Variants in PAX5 observed in about 807,000 individuals in gnomAD.
PAX5 encodes paired box 5.
In PAX5, 9 loss-of-function variants were observed where a neutral mutation model predicts 43.7. The ratio of observed to expected loss-of-function variants is 0.21; its 90% confidence interval spans 0.12 to 0.36. The LOEUF is 0.36. Among genes scored for constraint, PAX5 ranks in the 10% least tolerant of loss-of-function variants. The pLI is 1.00. For missense variants in PAX5, 383 were observed against 532.7 expected (o/e 0.72, Z 2.77); for synonymous variants, 228 against 214.3 (o/e 1.06, Z -0.56).
In PAX5 at chr9:36,939,424, T is replaced by C. The variant is rs934343302; in HGVS notation, c.781-15940A>G. 2.6e-5 allele frequency among the ~76,000 whole-genome samples: 4 copies of C among 152,256 alleles called. No homozygotes were observed. The South Asian group carries it at 8.3e-4, about 32-fold the overall frequency. On this transcript the variant is annotated intron_variant, in intron 6 of 9. Transcript: ENST00000358127. ...GGGTAGGCCCTGCTGAGACCACGTGTCTTGCCATTTTGTTCTGAAACCCCA... is the reference window on the plus strand; with the variant it reads ...GGGTAGGCCCTGCTGAGACCACGTGCCTTGCCATTTTGTTCTGAAACCCCA...
chr9:36,981,406 C>T (rs1327215294), intron 5 of PAX5, among the ~76,000 whole-genome samples: 2 of 125,336 alleles, frequency 1.6e-5, no homozygotes, highest in Admixed American at 1.0e-4. Context: ...ACAATAAATA[C>T]TTGTAGAGTG....
chr9:36,873,507 A>G (rs907880785), intron 8 of PAX5, among the ~76,000 whole-genome samples: 1 of 152,214 alleles, frequency 6.6e-6, no homozygotes, highest in Non-Finnish European at 1.5e-5. Context: ...ACAGGTGTGC[A>G]CCCCAGAGGC....
chr9:36,980,339 G>A (rs1835805589), intron 5 of PAX5, among the ~76,000 whole-genome samples: 1 of 152,242 alleles, frequency 6.6e-6, no homozygotes, highest in Non-Finnish European at 1.5e-5. Context: ...CCCTCTGCCT[G>A]TGGGGAGTTG....
intron 8 of PAX5, chr9:36,861,220 A>C (rs1042148531): frequency 6.6e-6 from 1 of 151,676 alleles, no homozygotes; most frequent in South Asian, 2.1e-4. Context: ...CCATCCATTC[A>C]TCTATCAGAT....
chr9:36,963,155 G>C (rs1834113945), intron 6 of PAX5, among the ~76,000 whole-genome samples: 1 of 152,232 alleles, frequency 6.6e-6, no homozygotes, highest in Non-Finnish European at 1.5e-5. Flanking sequence ...ACATTACAGG[G>C]AGGTGAAGCA....
At chr9:36,878,745 T>C (rs1826140475) in intron 8 of PAX5, among the ~76,000 whole-genome samples, 1 of 152,064 alleles carries the variant, frequency 6.6e-6, no homozygotes, top group Admixed American at 6.6e-5. Flanking sequence ...AAAAACAATG[T>C]CCACAGGCCA....
At chr9:37,033,599 TACACAC>T (rs56039556) in intron 1 of PAX5, among the ~76,000 whole-genome samples, 44 of 149,272 alleles carry the variant, frequency 2.9e-4, no homozygotes, top group African/African-American at 4.4e-4. Flanking sequence ...AGTATAAAGA[TACACAC>T]ACACACACAC....
At position 36,838,399 on chromosome 9, in the gene PAX5, C is replaced by G. The variant is rs1468819989; in HGVS notation, c.*2161G>C. On this transcript the variant is annotated 3_prime_UTR_variant, in exon 10 of 10. Coordinates refer to ENST00000358127, the MANE Select transcript of PAX5 (RefSeq NM_016734.3). ...AACACCATGGGTTGGGGGTCAGGAG[C>G]CCGAGTCCCAGCCCCACCCCCACCA... 1 of 232,786 alleles carries G rather than the reference C, an allele frequency of 4.3e-6. No individual in the cohort carries two copies. Among genetic ancestry groups the G allele is most frequent in the Non-Finnish European group, 8.5e-6 (1 of 117,818 alleles). The allele number at this position is 232,786 out of a possible 1,614,324, so 14.4% of individuals were successfully genotyped here.
chr9:36,942,280 C>T (rs921255071), intron 6 of PAX5, among the ~76,000 whole-genome samples: 1 of 152,354 alleles, frequency 6.6e-6, no homozygotes. Flanking sequence ...ATCAAGGGGA[C>T]ACTGTTGTAA....
At chr9:36,908,211 A>AG (rs397795353) in intron 7 of PAX5, among the ~76,000 whole-genome samples, 3 of 151,092 alleles carry the variant, frequency 2.0e-5, no homozygotes, top group Admixed American at 6.6e-5. Context: ...AAAAAAAAAA[A>AG]GAAGACTTTT....
At chr9:37,024,799 A>T (rs182944296) in intron 1 of PAX5, among the ~76,000 whole-genome samples, 86 of 152,280 alleles carry the variant, frequency 5.6e-4, no homozygotes, top group African/African-American at 1.9e-3. Context: ...CCGAGAGACC[A>T]CCAGGTCTGA....
At chr9:36,939,064 C>T (rs759524764) in intron 6 of PAX5, among the ~76,000 whole-genome samples, 68 of 152,186 alleles carry the variant, frequency 4.5e-4, no homozygotes, top group Non-Finnish European at 8.7e-4. Context: ...TGGCCAGGGC[C>T]TTTCTGACAA....
chr9:36,925,921 T>C (rs1462209436), intron 6 of PAX5, among the ~76,000 whole-genome samples: 1 of 152,212 alleles, frequency 6.6e-6, no homozygotes, highest in Non-Finnish European at 1.5e-5. Context: ...CTCATTCTGC[T>C]GGCCCCGCCA....
chr9:36,999,372 C>T (rs7030813), intron 5 of PAX5, among the ~76,000 whole-genome samples: 53,773 of 152,188 alleles, frequency 0.35, 10,275 homozygotes, highest in Admixed American at 0.48. Context: ...TACTCTTTCC[C>T]CCAGTGTCAC....
At chr9:37,027,767 C>A (rs942886558) in intron 1 of PAX5, among the ~76,000 whole-genome samples, 2 of 152,374 alleles carry the variant, frequency 1.3e-5, no homozygotes, top group South Asian at 4.1e-4. Context: ...CTGCCAATCA[C>A]GCTCCACCAA....
chr9:36,997,929 A>T (rs571699273), intron 5 of PAX5, among the ~76,000 whole-genome samples: 1 of 152,376 alleles, frequency 6.6e-6, no homozygotes, highest in South Asian at 2.1e-4. Flanking sequence ...GCACAGAAGC[A>T]TTGGCCACCC....
intron 8 of PAX5, among the ~76,000 whole-genome samples, chr9:36,848,708 T>C (rs975365788): frequency 4.6e-5 from 7 of 152,216 alleles, no homozygotes; most frequent in African/African-American, 1.7e-4. Context: ...ATTGGGCTAC[T>C]GTGGCAGAGG....
intron 7 of PAX5, among the ~76,000 whole-genome samples, chr9:36,897,317 C>G (rs1827952673): frequency 6.6e-6 from 1 of 152,062 alleles, no homozygotes; most frequent in African/African-American, 2.4e-5. Flanking sequence ...CACCGGAGCT[C>G]GAAGGATGCT....
chr9:36,931,618 G>A (rs1489024523), intron 6 of PAX5, among the ~76,000 whole-genome samples: 1 of 152,198 alleles, frequency 6.6e-6, no homozygotes, highest in Non-Finnish European at 1.5e-5. Context: ...GGAGGCTGAG[G>A]TGGGCGGATC....
Sources: gnomAD v4.1 joint callset for allele counts (sites outside exome capture counted in the v4.1 genomes callset) on GRCh38, gnomAD v4.1.1 for gene constraint, MANE v1.5 for transcripts, NCBI Gene and HGNC (gene_info 2026-07-23, HGNC 2026-07-21) for gene names.